PTPRN2: variants seen among roughly 807,000 people sequenced by gnomAD.
PTPRN2 encodes the protein receptor-type tyrosine-protein phosphatase N2.
In PTPRN2, 74 loss-of-function variants were observed where a neutral mutation model predicts 118.8. The observed-to-expected ratio is 0.62, with a 90% CI of 0.52 to 0.76. PTPRN2 has a LOEUF of 0.76. Among genes scored for constraint, PTPRN2 ranks in the 30% least tolerant of loss-of-function variants. PTPRN2 has a pLI of 0.00. For missense variants in PTPRN2, 1,481 were observed against 1,394.4 expected, an observed-to-expected ratio of 1.06 and a Z score of -0.99; for synonymous variants, 641 against 608.0, an observed-to-expected ratio of 1.05 and a Z score of -0.80.
intron 11 of PTPRN2, among the ~76,000 whole-genome samples, chr7:157,917,755 T>A (rs1251329517): frequency 6.6e-6 from 1 of 152,196 alleles, no homozygotes; most frequent in Non-Finnish European, 1.5e-5. Flanking sequence ...AACTGCTATG[T>A]TCAATAAAAG....
rs1035548916 is a variant in PTPRN2 at position 157,801,042 on chromosome 7, TAC to T, written c.1788+97629_1788+97630del. On this transcript the variant is annotated intron_variant, in intron 12 of 22. Transcript: ENST00000389418. The surrounding 1 kb of genome is among the most constrained non-coding windows in gnomAD (Gnocchi z 4.2). ...ACACACATATATATACACATATATA[TAC>T]ACATATATACACATATATATACACA... 6.2e-4 allele frequency among the ~76,000 whole-genome samples: 91 copies of T among 147,044 alleles called. No homozygotes were observed. Among genetic ancestry groups the T allele is most frequent in the African/African-American group, 2.2e-3 (88 of 40,046 alleles).
chr7:158,413,166 T>C (rs1814343283), intron 2 of PTPRN2, among the ~76,000 whole-genome samples: 1 of 152,172 alleles, frequency 6.6e-6, no homozygotes. Flanking sequence ...CCCTTCCCTC[T>C]CGCCACTGAG....
intron 6 of PTPRN2, among the ~76,000 whole-genome samples, chr7:158,149,050 C>G (rs1432793755): frequency 1.5e-4 from 19 of 130,328 alleles, no homozygotes; most frequent in African/African-American, 5.2e-4. Context: ...CTCACTGACA[C>G]CCCATCTCAT....
At chr7:157,945,509 G>A (rs1460066825) in intron 11 of PTPRN2, among the ~76,000 whole-genome samples, 1 of 152,094 alleles carries the variant, frequency 6.6e-6, no homozygotes, top group African/African-American at 2.4e-5. Context: ...CCCTGAACCT[G>A]CCGTTCCCAA....
At chr7:157,631,106 C>T (rs1349254725) in intron 14 of PTPRN2, among the ~76,000 whole-genome samples, 1 of 151,866 alleles carries the variant, frequency 6.6e-6, no homozygotes, top group Non-Finnish European at 1.5e-5. Flanking sequence ...GCCCAGAGAC[C>T]CTTGAAAACT....
At position 158,551,198 on chromosome 7, in the gene PTPRN2, G is replaced by A. The variant is rs6948534; in HGVS notation, c.112+36360C>T. Among the ~76,000 whole-genome samples, 1,054 of 152,354 alleles carry A rather than the reference G, an allele frequency of 6.9e-3. 14 individuals carry two copies. The highest frequency in any genetic ancestry group is 0.024 in the African/African-American group (998 of 41,584). On this transcript the variant is annotated intron_variant, in intron 1 of 22. Transcript: ENST00000389418. ...CTGGTGAGGGCCCTATTCCCACTGC[G>A]GATGGTCACTGCCTTGCTGTGTCCT...
At chr7:158,134,115 C>T in intron 8 of PTPRN2, 56 bp from the exon 9 acceptor site, 1 of 1,560,694 alleles carries the variant, frequency 6.4e-7, no homozygotes, top group Non-Finnish European at 8.7e-7. Flanking sequence ...TGATGTGACA[C>T]ATGCAATCAA....
At chr7:158,136,080 G>A (rs1157838307) in intron 8 of PTPRN2, among the ~76,000 whole-genome samples, 2 of 152,342 alleles carry the variant, frequency 1.3e-5, no homozygotes, top group Admixed American at 6.5e-5. Context: ...CAGTGCCCAC[G>A]GGGGCTCTGG....
intron 12 of PTPRN2, among the ~76,000 whole-genome samples, chr7:157,840,958 C>A (rs1808378276): frequency 6.6e-6 from 1 of 152,238 alleles, no homozygotes; most frequent in South Asian, 2.1e-4. Flanking sequence ...GCCTGCCTGC[C>A]CCCTCCTCCT....
intron 11 of PTPRN2, among the ~76,000 whole-genome samples, chr7:158,071,243 TCGTAGTATGGAGGTGCC>T (rs1286911119): frequency 1.5e-4 from 10 of 67,430 alleles, no homozygotes; most frequent in Non-Finnish European, 2.2e-4. Flanking sequence ...GTGGAGGTGC[TCGTAGTATGGAGGTGCC>T]CGTGGTGGTG....
At chr7:158,058,322 C>T (rs1274989108) in intron 11 of PTPRN2, among the ~76,000 whole-genome samples, 1 of 143,370 alleles carries the variant, frequency 7.0e-6, no homozygotes, top group Non-Finnish European at 1.5e-5. Context: ...CATCTGCCCA[C>T]GGTGAGACAT....
chr7:158,045,274 C>A (rs1297398037), intron 11 of PTPRN2, among the ~76,000 whole-genome samples: 1 of 152,164 alleles, frequency 6.6e-6, no homozygotes, highest in Non-Finnish European at 1.5e-5. Flanking sequence ...CTGAGCTAGC[C>A]CCTCTGTCGG....
At chr7:157,816,441 C>T (rs990450030) in intron 12 of PTPRN2, among the ~76,000 whole-genome samples, 1 of 152,278 alleles carries the variant, frequency 6.6e-6, no homozygotes, top group East Asian at 1.9e-4. Context: ...GAGGCCGAGC[C>T]AGCCTGGATC....
intron 12 of PTPRN2, among the ~76,000 whole-genome samples, chr7:157,860,262 G>C (rs1375124592): frequency 2.0e-5 from 3 of 152,220 alleles, no homozygotes; most frequent in Non-Finnish European, 4.4e-5. Flanking sequence ...ACTGCAGTCA[G>C]GCCACCTGAG....
chr7:158,031,919 C>T lies in PTPRN2; in HGVS notation c.1723+49379G>A, dbSNP rs914414886. ...CGGTGCTGCTCTGCAGCCGGCGCTCCGGGGGCCCGCGAGCCTCTGAAGTCT... is the reference window on the plus strand; with the variant it reads ...CGGTGCTGCTCTGCAGCCGGCGCTCTGGGGGCCCGCGAGCCTCTGAAGTCT... On this transcript the variant is annotated intron_variant, in intron 11 of 22. Transcript: ENST00000389418. Among the ~76,000 whole-genome samples, 25 of 152,346 alleles carry T rather than the reference C, an allele frequency of 1.6e-4. No homozygotes were observed. In the South Asian group the frequency reaches 2.3e-3, roughly 14 times the overall value.
chr7:158,098,842 G>A (rs1210061509), intron 10 of PTPRN2, among the ~76,000 whole-genome samples: 1 of 152,004 alleles, frequency 6.6e-6, no homozygotes, highest in Non-Finnish European at 1.5e-5. Flanking sequence ...TGGGGGACGG[G>A]GAACGGGGCC....
intron 5 of PTPRN2, among the ~76,000 whole-genome samples, chr7:158,187,607 GAAAAT>G (rs1193956275): frequency 1.3e-5 from 2 of 152,164 alleles, no homozygotes; most frequent in Non-Finnish European, 2.9e-5. Flanking sequence ...GGACAGAAAA[GAAAAT>G]GAGTTCTGGG....
At chr7:158,374,817 T>C (rs999504312) in intron 2 of PTPRN2, among the ~76,000 whole-genome samples, 5 of 152,200 alleles carry the variant, frequency 3.3e-5, no homozygotes, top group Non-Finnish European at 7.3e-5. Flanking sequence ...TCATGGGAAC[T>C]TTCTGGGTGA....
intron 12 of PTPRN2, among the ~76,000 whole-genome samples, chr7:157,866,596 G>A (rs1563188435): frequency 6.6e-6 from 1 of 152,068 alleles, no homozygotes; most frequent in Non-Finnish European, 1.5e-5. Flanking sequence ...TAGAGGTGGA[G>A]CTGAGGCTGG....
Sources: allele counts gnomAD v4.1 joint callset (sites outside exome capture counted in the v4.1 genomes callset), GRCh38; gene constraint gnomAD v4.1.1; non-coding constraint Gnocchi (gnomAD v3.1); transcripts MANE v1.5; gene names NCBI Gene and HGNC (gene_info 2026-07-23, HGNC 2026-07-21).